CAMTA1: variants seen among roughly 807,000 people sequenced by gnomAD.
CAMTA1 encodes calmodulin-binding transcription activator 1.
A neutral mutation model predicts 170.9 loss-of-function variants in CAMTA1; 27 were observed. The ratio of observed to expected loss-of-function variants is 0.16; its 90% CI spans 0.12 to 0.22. The LOEUF is 0.22. Among genes scored for constraint, CAMTA1 ranks in the 10% least tolerant of loss-of-function variants. The pLI, the probability that CAMTA1 is intolerant of heterozygous loss-of-function variation, is 1.00. For missense variants in CAMTA1, 1,619 were observed against 2,217.2 expected (o/e 0.73, Z 5.42); for synonymous variants, 833 against 891.5 (o/e 0.93, Z 1.17).
intron 16 of CAMTA1, among the ~76,000 whole-genome samples, chr1:7,739,786 G>C (rs2096797697): frequency 6.6e-6 from 1 of 152,202 alleles, no homozygotes; most frequent in Non-Finnish European, 1.5e-5. Flanking sequence ...TGGGCATTAT[G>C]GGAGCTACAG....
At chr1:7,394,035 CT>C (rs895064610) in intron 5 of CAMTA1, among the ~76,000 whole-genome samples, 4 of 152,116 alleles carry the variant, frequency 2.6e-5, no homozygotes, top group Non-Finnish European at 5.9e-5. Flanking sequence ...GGATTTCATT[CT>C]TTTTTATGAC....
At chr1:6,841,140 C>T (rs566419353) in intron 3 of CAMTA1, among the ~76,000 whole-genome samples, 24 of 152,304 alleles carry the variant, frequency 1.6e-4, no homozygotes, top group Admixed American at 1.3e-3. Flanking sequence ...CTTTGTGACC[C>T]TGCTCTCTTC....
chr1:7,697,755 T>C (rs1279412315), intron 11 of CAMTA1, among the ~76,000 whole-genome samples: 1 of 152,202 alleles, frequency 6.6e-6, no homozygotes, highest in Non-Finnish European at 1.5e-5. Flanking sequence ...TGATGGCTAA[T>C]GCATCTCTTC....
intron 4 of CAMTA1, among the ~76,000 whole-genome samples, chr1:7,169,532 G>A (rs1649178777): frequency 6.6e-6 from 1 of 151,926 alleles, no homozygotes; most frequent in South Asian, 2.1e-4. Context: ...TTGTTGAATG[G>A]AGTCTTGCTC....
chr1:7,329,918 G>A (rs986477156), intron 5 of CAMTA1, among the ~76,000 whole-genome samples: 3 of 152,098 alleles, frequency 2.0e-5, no homozygotes, highest in East Asian at 1.9e-4. Context: ...AAAAAGATAT[G>A]CAGTAAGAAG....
Position 7,748,015 on chromosome 1 carries a change from C to T in CAMTA1, c.4689+234C>T, listed in dbSNP as rs12755390. On this transcript the variant is annotated intron_variant, in intron 19 of 22. Coordinates refer to ENST00000303635, the MANE Select transcript of CAMTA1 (RefSeq NM_015215.4). The surrounding 1 kb of genome is among the most constrained non-coding windows in gnomAD (Gnocchi z 4.7). The stretch of plus-strand genomic sequence containing the variant: ...GCAACCTCCACCTCCCAGGTTCAAG[C>T]GATTCTCCTGCCTCAGCCTCCCGAG... Among the ~76,000 whole-genome samples the T allele has an allele frequency of 0.16, 24,846 of 151,560 alleles. 2,436 individuals are homozygous for T. The highest frequency in any genetic ancestry group is 0.22 in the Non-Finnish European group (14,706 of 67,866).
chr1:7,506,848 TCA>T (rs138224616), intron 6 of CAMTA1, among the ~76,000 whole-genome samples: 1 of 151,716 alleles, frequency 6.6e-6, no homozygotes, highest in African/African-American at 2.4e-5. Flanking sequence ...CACTCAAAAA[TCA>T]CACAGAATTC....
chr1:6,847,751 T>A (rs1268594434), intron 3 of CAMTA1, among the ~76,000 whole-genome samples: 2 of 151,490 alleles, frequency 1.3e-5, no homozygotes, highest in East Asian at 3.9e-4. Flanking sequence ...TCACCCAGGC[T>A]GGAGTACAGT....
rs571835894 is a variant in CAMTA1, at chr1:7,183,280, C to A, written c.303-66211C>A. On this transcript the variant is annotated intron_variant, in intron 4 of 22. Coordinates refer to ENST00000303635, the MANE Select transcript of CAMTA1 (RefSeq NM_015215.4). ...TGACTTCGTTACTGAAGGGAGAGAC[C>A]AAGCCTTTTTTGAGGGATCCCCCCC... is the stretch of plus-strand genomic sequence containing the variant. Among the ~76,000 whole-genome samples the A allele has an allele frequency of 4.6e-5, 7 of 152,170 alleles. No individual in the cohort carries two copies. In the East Asian group the frequency reaches 1.4e-3, roughly 29 times the overall value.
At chr1:7,354,933 G>A (rs2084978427) in intron 5 of CAMTA1, among the ~76,000 whole-genome samples, 1 of 152,132 alleles carries the variant, frequency 6.6e-6, no homozygotes. Context: ...TGGGTTCAGT[G>A]GCTCACACCT....
At chr1:7,697,251 G>C (rs1576966567) in intron 11 of CAMTA1, among the ~76,000 whole-genome samples, 1 of 150,438 alleles carries the variant, frequency 6.6e-6, no homozygotes, top group Non-Finnish European at 1.5e-5. Context: ...TATCCCCTGA[G>C]CCCTCACTGG....
At chr1:7,215,657 G>A (rs1353873461) in intron 4 of CAMTA1, among the ~76,000 whole-genome samples, 45 of 152,242 alleles carry the variant, frequency 3.0e-4, no homozygotes, top group Non-Finnish European at 1.5e-5. Context: ...GCCCCCCAAA[G>A]TGCTGGGATT....
rs529913369 is a variant in CAMTA1 at position 6,947,633 on chromosome 1, C to T, written c.234+122423C>T. 4.6e-5 allele frequency among the ~76,000 whole-genome samples: 7 copies of T among 151,910 alleles called. No homozygotes were observed. In the East Asian group the frequency reaches 5.8e-4, roughly 13 times the overall value. On this transcript the variant is annotated intron_variant, in intron 3 of 22. Coordinates refer to ENST00000303635, the MANE Select transcript of CAMTA1 (RefSeq NM_015215.4). ...CCTGACCTCAAGTGATCCACCACCT[C>T]GGCCTCCCAAAGTGCTGGGATTACA...
At chr1:6,822,643 A>G (rs1480804520) in intron 2 of CAMTA1, among the ~76,000 whole-genome samples, 1 of 152,090 alleles carries the variant, frequency 6.6e-6, no homozygotes, top group Non-Finnish European at 1.5e-5. Flanking sequence ...GTAAAGTGTA[A>G]TGTTTAGAAA....
rs1024934958 is a variant in CAMTA1 at position 7,435,575 on chromosome 1, C to T, written c.439-32255C>T. ...TTCTCAGCCTGGTTCACTGTGGTGG[C>T]AGTGGAGCGCAGTCCCCATGCTTGG... On this transcript the variant is annotated intron_variant, in intron 5 of 22. Transcript: ENST00000303635. The surrounding 1 kb of genome is among the most constrained non-coding windows in gnomAD (Gnocchi z 4.4). Among the ~76,000 whole-genome samples, 1 of 152,200 alleles carries T rather than the reference C, an allele frequency of 6.6e-6. No homozygotes were observed. The highest frequency in any genetic ancestry group is 1.5e-5 in the Non-Finnish European group (1 of 68,032).
In CAMTA1 at chr1:7,068,991, A is replaced by G. The variant is rs568496970; in HGVS notation, c.235-22313A>G. Among the ~76,000 whole-genome samples the G allele has an allele frequency of 1.5e-4, 23 of 152,300 alleles. No homozygotes were observed. The South Asian group carries it at 2.9e-3, about 19-fold the overall frequency. ...CGAGAACCCAGGGACGGTGGGAGGAATGGCCAAGCTGGACGCAGGCCTGGC... is the reference window on the plus strand; with the variant it reads ...CGAGAACCCAGGGACGGTGGGAGGAGTGGCCAAGCTGGACGCAGGCCTGGC... On this transcript the variant is annotated intron_variant, in intron 3 of 22. Coordinates refer to ENST00000303635, the MANE Select transcript of CAMTA1 (RefSeq NM_015215.4).
chr1:6,886,495 A>G (rs1487144544), intron 3 of CAMTA1: 4 of 359,638 alleles, frequency 1.1e-5, no homozygotes, highest in East Asian at 7.4e-5. Flanking sequence ...TTCTCGCAGC[A>G]TGCTCTTTTC....
At chr1:7,072,698 C>G (rs1638803562) in intron 3 of CAMTA1, among the ~76,000 whole-genome samples, 1 of 152,116 alleles carries the variant, frequency 6.6e-6, no homozygotes, top group Admixed American at 6.5e-5. Flanking sequence ...GAGGCCTTAC[C>G]CAGAAGGGAC....
intron 11 of CAMTA1, among the ~76,000 whole-genome samples, chr1:7,713,706 T>C (rs2096588274): frequency 6.6e-6 from 1 of 152,230 alleles, no homozygotes; most frequent in Non-Finnish European, 1.5e-5. Context: ...AAAATAGTTC[T>C]GAGGCCGTGG....
Sources: allele counts gnomAD v4.1 joint callset (sites outside exome capture counted in the v4.1 genomes callset), GRCh38; gene constraint gnomAD v4.1.1; non-coding constraint Gnocchi (gnomAD v3.1); transcripts MANE v1.5; gene names NCBI Gene and HGNC (gene_info 2026-07-23, HGNC 2026-07-21).